ARL15: variants seen among roughly 807,000 people sequenced by gnomAD.
The protein encoded by ARL15 is ADP-ribosylation factor-like protein 15.
A neutral mutation model predicts 25.2 loss-of-function variants in ARL15; 19 were observed. That is an observed-to-expected ratio of 0.75 (90% confidence interval 0.53 to 1.10). The LOEUF (loss-of-function observed/expected upper bound fraction) is 1.10, where lower values mean the gene tolerates loss of function less well. Ranked by LOEUF, ARL15 falls within the 50% of genes least tolerant of loss-of-function variation. The pLI is 0.00. For synonymous variants in ARL15, 94 were observed against 86.8 expected (o/e 1.08, Z -0.46); for missense variants, 220 against 246.0 (o/e 0.89, Z 0.71).
At chr5:53,910,441 G>A (rs758174755) in intron 4 of ARL15, among the ~76,000 whole-genome samples, 13 of 151,484 alleles carry the variant, frequency 8.6e-5, no homozygotes, top group Non-Finnish European at 1.6e-4. Context: ...TCAAAACTAC[G>A]CTTACTATAA....
At chr5:54,262,164 C>G (rs1757511792) in intron 1 of ARL15, among the ~76,000 whole-genome samples, 1 of 152,072 alleles carries the variant, frequency 6.6e-6, no homozygotes, top group African/African-American at 2.4e-5. Flanking sequence ...CACACACAAT[C>G]CTAGATTAAA....
At chr5:54,085,200 G>A (rs1425870763) in intron 4 of ARL15, among the ~76,000 whole-genome samples, 1 of 152,148 alleles carries the variant, frequency 6.6e-6, no homozygotes, top group Non-Finnish European at 1.5e-5. Flanking sequence ...AACCCTGTGA[G>A]CTTCAGAATG....
intron 3 of ARL15, among the ~76,000 whole-genome samples, chr5:54,152,721 T>C (rs1754104788): frequency 1.3e-5 from 2 of 152,196 alleles, no homozygotes; most frequent in Admixed American, 1.3e-4. Flanking sequence ...CATTACGAAA[T>C]AGGTACCAAC....
intron 4 of ARL15, among the ~76,000 whole-genome samples, chr5:53,996,210 G>C (rs2111690812): frequency 6.6e-6 from 1 of 152,298 alleles, no homozygotes; most frequent in South Asian, 2.1e-4. Context: ...AGGGAAATCA[G>C]ATTGCAGACT....
chr5:54,279,028 A>T (rs945602828), intron 1 of ARL15, among the ~76,000 whole-genome samples: 2 of 152,188 alleles, frequency 1.3e-5, no homozygotes, highest in African/African-American at 4.8e-5. Context: ...ACTTCTAAGT[A>T]TTTTAACTCA....
chr5:54,029,324 C>T (rs994303730), intron 4 of ARL15, among the ~76,000 whole-genome samples: 20 of 116,542 alleles, frequency 1.7e-4, no homozygotes, highest in African/African-American at 4.8e-4. Flanking sequence ...CCACCACCAC[C>T]ACCACCACTA....
Position 54,173,549 on chromosome 5 carries a change from C to T in ARL15, c.49-1621G>A, listed in dbSNP as rs548159208. ...GATTATTTCTCTCCCTCATTTCTCA[C>T]ATCTAATCAACAAATCTAGTTCATA... On this transcript the variant is annotated intron_variant, in intron 1 of 4. Coordinates refer to ENST00000504924, the MANE Select transcript of ARL15 (RefSeq NM_019087.3). 1.5e-3 allele frequency among the ~76,000 whole-genome samples: 223 copies of T among 152,308 alleles called. 3 individuals are homozygous for T. In the Middle Eastern group the frequency reaches 0.017, roughly 12 times the overall value.
chr5:54,095,015 T>C (rs927182066), intron 4 of ARL15, among the ~76,000 whole-genome samples: 1 of 152,208 alleles, frequency 6.6e-6, no homozygotes, highest in Non-Finnish European at 1.5e-5. Flanking sequence ...AAATCAAGAC[T>C]CGAAATTCTT....
chr5:54,107,363 A>C (rs890929512), intron 4 of ARL15, among the ~76,000 whole-genome samples: 1 of 152,206 alleles, frequency 6.6e-6, no homozygotes, highest in African/African-American at 2.4e-5. Flanking sequence ...GTACATAAGC[A>C]TAAGTGAGTG....
intron 4 of ARL15, among the ~76,000 whole-genome samples, chr5:53,987,042 G>A (rs910106797): frequency 6.6e-6 from 1 of 151,288 alleles, no homozygotes; most frequent in African/African-American, 2.5e-5. Context: ...AGAGACTGAG[G>A]ATGGAAACTG....
At chr5:54,197,549 G>C (rs1266571873) in intron 1 of ARL15, among the ~76,000 whole-genome samples, 1 of 152,088 alleles carries the variant, frequency 6.6e-6, no homozygotes, top group Non-Finnish European at 1.5e-5. Flanking sequence ...ATTTTGGGGG[G>C]AAATGCAAGT....
At chr5:54,104,373 T>C (rs1752530293) in intron 4 of ARL15, among the ~76,000 whole-genome samples, 2 of 152,186 alleles carry the variant, frequency 1.3e-5, no homozygotes, top group South Asian at 4.1e-4. Context: ...TGGGGGTACA[T>C]TTGACTTTCA....
chr5:54,154,757 ATATT>A (rs1341449844), intron 2 of ARL15, 118 bp from the exon 3 acceptor site: 1 of 592,584 alleles, frequency 1.7e-6, no homozygotes, highest in East Asian at 3.3e-5. Flanking sequence ...TTTGTAGCTG[ATATT>A]TATACTAGAA....
intron 4 of ARL15, among the ~76,000 whole-genome samples, chr5:53,925,405 C>G (rs1159388302): frequency 2.0e-5 from 3 of 152,108 alleles, no homozygotes; most frequent in Non-Finnish European, 4.4e-5. Flanking sequence ...CTATGTTGCT[C>G]AAGCTGGTCT....
chr5:54,282,290 C>A, intron 1 of ARL15: 2 of 985,422 alleles, frequency 2.0e-6, no homozygotes. Context: ...CCCAATTCTA[C>A]AAACAGCAAA....
At chr5:54,152,783 T>G (rs1754106942) in intron 3 of ARL15, among the ~76,000 whole-genome samples, 1 of 152,240 alleles carries the variant, frequency 6.6e-6, no homozygotes, top group East Asian at 1.9e-4. Context: ...AATTTCCATT[T>G]CAGCAACTGT....
intron 4 of ARL15, among the ~76,000 whole-genome samples, chr5:53,942,343 G>C (rs1307137846): frequency 6.6e-6 from 1 of 152,150 alleles, no homozygotes; most frequent in Non-Finnish European, 1.5e-5. Context: ...CATACCAGTG[G>C]CACTAGAAGC....
intron 4 of ARL15, among the ~76,000 whole-genome samples, chr5:53,909,307 A>G (rs1300279133): frequency 2.0e-5 from 3 of 152,242 alleles, no homozygotes; most frequent in Admixed American, 2.0e-4. Context: ...TGGGGATTAA[A>G]GAGGGAAAAG....
chr5:53,980,089 G>C (rs1231540952), intron 4 of ARL15, among the ~76,000 whole-genome samples: 1 of 149,970 alleles, frequency 6.7e-6, no homozygotes, highest in African/African-American at 2.5e-5. Context: ...TGATTTCATT[G>C]GCTAATAAAC....
Sources: allele counts gnomAD v4.1 joint callset (sites outside exome capture counted in the v4.1 genomes callset), GRCh38; gene constraint gnomAD v4.1.1; transcripts MANE v1.5; gene names NCBI Gene and HGNC (gene_info 2026-07-23, HGNC 2026-07-21).